Variants in MED13L observed in about 807,000 individuals in gnomAD.
MED13L encodes mediator complex subunit 13L, also known as mediator of RNA polymerase II transcription subunit 13-like.
MED13L carries 7 observed loss-of-function variants against 220.9 expected under a neutral mutation model. The observed-to-expected ratio is 0.03, with a 90% CI of 0.02 to 0.06. The LOEUF (loss-of-function observed/expected upper bound fraction) is 0.06. MED13L is among the 10% of genes least tolerant of loss of function. MED13L has a pLI of 1.00. For missense variants in MED13L, 1,965 were observed against 2,760.5 expected (o/e 0.71, Z 6.46); for synonymous variants, 1,011 against 1,015.2 (o/e 1.00, Z 0.08).
At position 116,006,379 on chromosome 12, in the gene MED13L, A is replaced by G; in HGVS notation, c.2271T>C (p.Thr757=). 6.2e-7 allele frequency: 1 copy of G among 1,614,054 alleles called. No individual in the cohort carries two copies. Among genetic ancestry groups the G allele is most frequent in the Non-Finnish European group, 8.5e-7 (1 of 1,179,924 alleles). Residue 757 remains threonine, a synonymous_variant, in exon 12 of 31, where the codon ACT becomes ACC. Coordinates refer to ENST00000281928, the MANE Select transcript of MED13L (RefSeq NM_015335.5). ...SEDGFGTKDV[T]TPGHSTPVPD... is the part of the protein sequence containing the mutation. Reference sequence around the variant, plus strand: ...GCACCGGCGTGGAATGACCTGGTGTAGTGACATCCTTGGTACCAAATCCAT... The same window carrying G: ...GCACCGGCGTGGAATGACCTGGTGTGGTGACATCCTTGGTACCAAATCCAT...
intron 2 of MED13L, among the ~76,000 whole-genome samples, chr12:116,207,715 C>G (rs80064874): frequency 6.6e-6 from 1 of 151,698 alleles, no homozygotes; most frequent in South Asian, 2.1e-4. Flanking sequence ...TAAGTAAAAA[C>G]CTTGTAGTCC....
Position 116,140,182 on chromosome 12 carries a change from T to G in MED13L, c.311-28670A>C, listed in dbSNP as rs964508880. 2.0e-5 allele frequency among the ~76,000 whole-genome samples: 3 copies of G among 152,286 alleles called. No homozygotes were observed. The South Asian group carries it at 6.2e-4, about 32-fold the overall frequency. On this transcript the variant is annotated intron_variant, in intron 2 of 30. Transcript: ENST00000281928. ...CCAGCATGCTCTATTCTCATTATCC[T>G]GCTTTATTTTCTTCCAGAGCATTTA... is the stretch of plus-strand genomic sequence containing the variant.
chr12:116,244,524 A>C (rs1357126270), intron 1 of MED13L, among the ~76,000 whole-genome samples: 1 of 152,222 alleles, frequency 6.6e-6, no homozygotes, highest in Admixed American at 6.5e-5. Flanking sequence ...ACTGAATCCT[A>C]AACATGAAGA....
intron 2 of MED13L, among the ~76,000 whole-genome samples, chr12:116,189,445 T>C (rs1881126200): frequency 6.6e-6 from 1 of 152,178 alleles, no homozygotes; most frequent in African/African-American, 2.4e-5. Context: ...TTTCCCATTC[T>C]GTAGCCTATC....
intron 1 of MED13L, among the ~76,000 whole-genome samples, chr12:116,240,938 CTTT>C (rs1870578972): frequency 6.6e-6 from 1 of 152,182 alleles, no homozygotes; most frequent in African/African-American, 2.4e-5. Flanking sequence ...AGACTAACTT[CTTT>C]TATCACCTAA....
At chr12:115,974,042 T>C (rs1203779078) in intron 25 of MED13L, among the ~76,000 whole-genome samples, 1 of 145,256 alleles carries the variant, frequency 6.9e-6, no homozygotes, top group African/African-American at 2.5e-5. Flanking sequence ...GAATTTCCTA[T>C]AAAAAAAAAA....
chr12:116,009,189 C>G, intron 9 of MED13L, 57 bp from the exon 10 acceptor site: 1 of 1,598,956 alleles, frequency 6.3e-7, no homozygotes, highest in Non-Finnish European at 8.5e-7. Flanking sequence ...GATTCTCTGA[C>G]AAAATTTTGC....
intron 2 of MED13L, among the ~76,000 whole-genome samples, chr12:116,113,139 C>T (rs1771197591): frequency 6.6e-6 from 1 of 152,082 alleles, no homozygotes; most frequent in East Asian, 1.9e-4. Context: ...CATCAATATT[C>T]CAAGTCTACC....
intron 2 of MED13L, among the ~76,000 whole-genome samples, chr12:116,188,581 T>C (rs1367665619): frequency 1.3e-5 from 2 of 152,150 alleles, no homozygotes; most frequent in African/African-American, 2.4e-5. Context: ...AAAGATTCAG[T>C]GTACCCTTAA....
intron 2 of MED13L, among the ~76,000 whole-genome samples, chr12:116,226,508 T>A (rs1302318303): frequency 2.0e-5 from 3 of 152,208 alleles, no homozygotes; most frequent in African/African-American, 7.2e-5. Context: ...TCAGGTAGCA[T>A]CCAGACAGCA....
intron 2 of MED13L, among the ~76,000 whole-genome samples, chr12:116,185,202 A>G (rs974418467): frequency 1.3e-5 from 2 of 152,188 alleles, no homozygotes; most frequent in Non-Finnish European, 2.9e-5. Context: ...CAAAATCTTT[A>G]CTCACCTACA....
chr12:116,160,483 TGGAAA>T (rs1182258667), intron 2 of MED13L, among the ~76,000 whole-genome samples: 1 of 151,882 alleles, frequency 6.6e-6, no homozygotes, highest in Non-Finnish European at 1.5e-5. Flanking sequence ...GCCTCTACTA[TGGAAA>T]CTGGACAAGT....
chr12:115,987,956 G>A (rs979403617), intron 17 of MED13L, among the ~76,000 whole-genome samples: 8 of 152,134 alleles, frequency 5.3e-5, no homozygotes, highest in South Asian at 2.1e-4. Context: ...TGAACTCCAT[G>A]CAAAACTGTG....
At chr12:116,273,832 TAACTC>T (rs1318911636) in intron 1 of MED13L, among the ~76,000 whole-genome samples, 6 of 152,216 alleles carry the variant, frequency 3.9e-5, no homozygotes, top group Non-Finnish European at 7.4e-5. Flanking sequence ...TTCTCCATAT[TAACTC>T]AATAGAGAAA....
At chr12:116,277,010 ACCCCCC>A (rs377558672) in intron 1 of MED13L, 44 bp downstream of exon 1, 30 of 1,015,314 alleles carry the variant, frequency 3.0e-5, no homozygotes, top group Non-Finnish European at 4.2e-5. Context: ...GAGGTCGGGG[ACCCCCC>A]CCCTTCCCCG....
At chr12:116,201,798 C>G (rs1475055993) in intron 2 of MED13L, among the ~76,000 whole-genome samples, 1 of 151,966 alleles carries the variant, frequency 6.6e-6, no homozygotes, top group Non-Finnish European at 1.5e-5. Flanking sequence ...ATAAAGTTTC[C>G]AACATTACAA....
chr12:115,986,544 C>G, intron 18 of MED13L, 55 bp from the exon 19 acceptor site: 1 of 1,540,782 alleles, frequency 6.5e-7, no homozygotes, highest in Admixed American at 1.7e-5. Flanking sequence ...CACAACCTTA[C>G]AATTTTGAAA....
In MED13L at chr12:115,963,532, CAAAG is replaced by C. The variant is rs756379056; in HGVS notation, c.6388-17_6388-14del. The C allele has an allele frequency of 4.4e-6, 7 of 1,588,238 alleles. No individual in the cohort carries two copies. The East Asian group carries it at 8.9e-5, about 20-fold the overall frequency. ...GATGCAGCGAAGCCTGGTGAAAAAA[CAAAG>C]AGAGTTACCTCTCTGGTCTAGACAA... On this transcript the variant is annotated splice_polypyrimidine_tract_variant and intron_variant, in intron 29 of 30. Transcript: ENST00000281928.
chr12:116,173,676 G>GGATAACAAAACGAGAAATTCACATAA (rs1444183591), intron 2 of MED13L, among the ~76,000 whole-genome samples: 41 of 152,062 alleles, frequency 2.7e-4, no homozygotes, highest in African/African-American at 9.4e-4. Flanking sequence ...TGCATTTGCT[G>GGATAACAAAACGAGAAATTCACATAA]GATAACAAAA....
Sources: gnomAD v4.1 joint callset for allele counts (sites outside exome capture counted in the v4.1 genomes callset) on GRCh38, gnomAD v4.1.1 for gene constraint, MANE v1.5 for transcripts, NCBI Gene and HGNC (gene_info 2026-07-23, HGNC 2026-07-21) for gene names.